The following HNRNPUL2 variants were observed in gnomAD, a reference collection of about 807,000 sequenced individuals.
The protein encoded by HNRNPUL2 is heterogeneous nuclear ribonucleoprotein U-like protein 2.
HNRNPUL2 carries 27 observed loss-of-function variants against 102.2 expected under a neutral mutation model. That is an observed-to-expected ratio of 0.26 (90% CI 0.19 to 0.36). The LOEUF (loss-of-function observed/expected upper bound fraction) is 0.36. Among genes scored for constraint, HNRNPUL2 ranks in the 10% least tolerant of loss-of-function variants. The pLI is 1.00. For missense variants in HNRNPUL2, 936 were observed against 981.1 expected, an observed-to-expected ratio of 0.95 and a Z score of 0.61; for synonymous variants, 458 against 387.2, an observed-to-expected ratio of 1.18 and a Z score of -2.15.
chr11:62,726,686 G>C lies in HNRNPUL2; in HGVS notation c.471C>G (p.Pro157=), dbSNP rs1487092733. 1 of 1,599,952 alleles carries C rather than the reference G, an allele frequency of 6.3e-7. No homozygotes were observed. The highest frequency in any genetic ancestry group is 1.3e-5 in the African/African-American group (1 of 74,858). Residue 157 remains proline, a synonymous_variant, in exon 1 of 14, where the codon CCC becomes CCG. Coordinates refer to ENST00000301785, the MANE Select transcript of HNRNPUL2 (RefSeq NM_001079559.3). The part of the protein sequence containing the change: ...QGLGKREEDE[P]EERSGDETPG... ...GCGTCTCGTCCCCGCTCCGCTCCTC[G>C]GGTTCGTCTTCCTCCCTCTTGCCGA... is the stretch of plus-strand genomic sequence containing the variant.
At chr11:62,719,885 A>G (rs950452633) in intron 10 of HNRNPUL2, 138 bp downstream of exon 10, 17 of 761,786 alleles carry the variant, frequency 2.2e-5, no homozygotes, top group East Asian at 2.6e-5. Context: ...ATGCAGCAAG[A>G]AGGACCTCAC....
chr11:62,722,339 A>T lies in HNRNPUL2; in HGVS notation c.1137T>A (p.Asn379Lys). 1 of 1,614,076 alleles carries T rather than the reference A, an allele frequency of 6.2e-7. No homozygotes were observed. Among genetic ancestry groups the T allele is most frequent in the Non-Finnish European group, 8.5e-7 (1 of 1,179,930 alleles). The change falls in exon 7 of 14, where the codon AAT (asparagine) becomes AAA (lysine). Residue 379 changes from asparagine (N) to lysine (K), a missense_variant. Transcript: ENST00000301785. ...TEEVELSFSKNGEDLGVAFWI... is the reference protein window; with the variant it reads ...TEEVELSFSKKGEDLGVAFWI... ...AGAATGCCACACCTAGGTCTTCTCC[A>T]TTCTTGGAGAAGGAAAGTTCTACTT... is the stretch of plus-strand genomic sequence containing the variant.
At chr11:62,717,211 T>C (rs1467796730) in intron 10 of HNRNPUL2, 22 bp from the exon 11 acceptor site, 2 of 1,597,568 alleles carry the variant, frequency 1.3e-6, no homozygotes, top group South Asian at 1.1e-5. Flanking sequence ...AGAGAGAAGC[T>C]TGTGGGCCTG....
Position 62,713,696 on chromosome 11 carries a change from G to A in HNRNPUL2, c.*1603C>T, listed in dbSNP as rs2083636303. 6.6e-6 allele frequency: 1 copy of A among 152,264 alleles called. No individual in the cohort carries two copies. The highest frequency in any genetic ancestry group is 1.5e-5 in the Non-Finnish European group (1 of 68,128). 9.4% of individuals were successfully genotyped at this position (152,264 alleles called of 1,614,324 possible). Reference sequence around the variant, plus strand: ...GGAGGAGGAGAGGAAGACCAAATCAGCCCACAATTTTAAACAGAGAACTGC... The same window carrying A: ...GGAGGAGGAGAGGAAGACCAAATCAACCCACAATTTTAAACAGAGAACTGC... On this transcript the variant is annotated 3_prime_UTR_variant, in exon 14 of 14. Transcript: ENST00000301785.
chr11:62,719,954 CTATTACTTACAAATTATGAAGTCTATGG>C, intron 10 of HNRNPUL2, 41 bp downstream of exon 10: 1 of 1,433,192 alleles, frequency 7.0e-7, no homozygotes, highest in Non-Finnish European at 9.7e-7. Context: ...AAATAAACCT[CTATTACTTACAAATTATGAAGTCTATGG>C]TATTCTGTTA....
intron 2 of HNRNPUL2, 48 bp from the exon 3 acceptor site, chr11:62,724,038 T>G: frequency 4.1e-6 from 6 of 1,446,062 alleles, no homozygotes; most frequent in Non-Finnish European, 5.8e-6. Flanking sequence ...AAAGCCCTCT[T>G]CTTTGAGGGG....
intron 11 of HNRNPUL2, 141 bp downstream of exon 11, chr11:62,716,848 G>A: frequency 1.4e-6 from 1 of 703,230 alleles, no homozygotes. Context: ...AAGAACACAG[G>A]AAGAAATAAG....
At position 62,715,209 on chromosome 11, in the gene HNRNPUL2, G is replaced by A; in HGVS notation, c.*90C>T. ...CCGGCAGCTCAGCCCCACCCCGACA[G>A]CCCCTGTTTTCCTTGGTTGTGTTTT... is the stretch of plus-strand genomic sequence containing the variant. On this transcript the variant is annotated 3_prime_UTR_variant, in exon 14 of 14. Transcript: ENST00000301785. 1.3e-5 allele frequency: 4 copies of A among 314,992 alleles called. No homozygotes were observed. The highest frequency in any genetic ancestry group is 1.5e-5 in the Non-Finnish European group (3 of 193,550). 19.5% of individuals were successfully genotyped at this position (314,992 alleles called of 1,614,324 possible). A position where few individuals can be genotyped will look rare whatever the true frequency, so the allele number is the denominator to read the frequency against.
chr11:62,717,379 T>G (rs1250195477), intron 10 of HNRNPUL2, among the ~76,000 whole-genome samples, 190 bp from the exon 11 acceptor site: 1 of 152,200 alleles, frequency 6.6e-6, no homozygotes, highest in Non-Finnish European at 1.5e-5. Context: ...TTTCCCTAAA[T>G]TGTAACAGAC....
In HNRNPUL2 at chr11:62,715,867, T is replaced by C. The variant is rs1448653788; in HGVS notation, c.2052A>G (p.Arg684=). The change falls in exon 12 of 14, where the codon AGA becomes AGG. Residue 684 remains arginine (R), a synonymous_variant. Coordinates refer to ENST00000301785, the MANE Select transcript of HNRNPUL2 (RefSeq NM_001079559.3). ...GQQYWGQPGN[R]GGYRNFYDRY... is the part of the protein sequence containing the mutation. ...GCAGAAGGAGAGCTGCACTCACCCCTCTGTTTCCAGGCTGCCCCCAGTACT... is the reference window on the plus strand; with the variant it reads ...GCAGAAGGAGAGCTGCACTCACCCCCCTGTTTCCAGGCTGCCCCCAGTACT... 6.2e-7 allele frequency: 1 copy of C among 1,613,702 alleles called. No individual in the cohort carries two copies. Among genetic ancestry groups the C allele is most frequent in the Non-Finnish European group, 8.5e-7 (1 of 1,179,820 alleles).
rs2083727031 is a variant in HNRNPUL2 at position 62,724,280 on chromosome 11, G to A, written c.674+11C>T. The A allele has an allele frequency of 3.1e-6, 5 of 1,614,066 alleles. No individual in the cohort carries two copies. The highest frequency in any genetic ancestry group is 4.2e-6 in the Non-Finnish European group (5 of 1,179,972). Reference sequence around the variant, plus strand: ...GACACTCCCTTCAACGAAAGGGACTGTTTCCCTCACCGGCTGTGGTAAGCC... The same window carrying A: ...GACACTCCCTTCAACGAAAGGGACTATTTCCCTCACCGGCTGTGGTAAGCC... On this transcript the variant is annotated intron_variant, in intron 2 of 13. Transcript: ENST00000301785.
rs1431452650 is a variant in HNRNPUL2 at position 62,726,849 on chromosome 11, A to C, written c.308T>G (p.Leu103Trp). The change falls in exon 1 of 14, where the codon TTG becomes TGG. Residue 103 changes from leucine (L) to tryptophan (W), a missense_variant. Leu to Trp is a moderately conservative substitution (Grantham distance 61). Transcript: ENST00000301785. ...CGGCGGCGGCTGCGCGGCCTGACCC[A>C]AGGCTTGAGCAGGGGGTGGCTCCTC... is the stretch of plus-strand genomic sequence containing the variant. Reference protein sequence around the residue: ...EDEEPPPAQALGQAAQPPPEP... With the variant: ...EDEEPPPAQAWGQAAQPPPEP... 4 of 1,587,642 alleles carry C rather than the reference A, an allele frequency of 2.5e-6. No homozygotes were observed. Among genetic ancestry groups the C allele is most frequent in the Non-Finnish European group, 3.4e-6 (4 of 1,174,618 alleles).
chr11:62,717,480 A>C (rs1847640273), intron 10 of HNRNPUL2, among the ~76,000 whole-genome samples: 1 of 152,246 alleles, frequency 6.6e-6, no homozygotes, highest in South Asian at 2.1e-4. Context: ...TCAGGACAGA[A>C]GCAGGTAACC....
chr11:62,715,354 G>C lies in HNRNPUL2; in HGVS notation c.2189C>G (p.Pro730Arg). ...CCTGTAGTATCGGTCTCTGTCCTGG[G>C]GGTGGTGGTAGTAGTAACTCTGCCA... ...RDWQSYYYHH[P>R]QDRDRYYRNY... Residue 730 changes from proline to arginine, a missense_variant, in exon 14 of 14, where the codon CCC becomes CGC. Pro to Arg is a moderately radical substitution (Grantham distance 103). Coordinates refer to ENST00000301785, the MANE Select transcript of HNRNPUL2 (RefSeq NM_001079559.3). 1 of 1,613,260 alleles carries C rather than the reference G, an allele frequency of 6.2e-7. No homozygotes were observed.
intron 10 of HNRNPUL2, among the ~76,000 whole-genome samples, chr11:62,718,466 C>T (rs539090349): frequency 4.6e-5 from 7 of 152,042 alleles, no homozygotes; most frequent in Non-Finnish European, 7.4e-5. Context: ...TTTGGGAGGC[C>T]GAGGCGGGCA....
chr11:62,716,126 G>A lies in HNRNPUL2; in HGVS notation c.1982-189C>T, dbSNP rs1288629012. Among the ~76,000 whole-genome samples, 4 of 152,272 alleles carry A rather than the reference G, an allele frequency of 2.6e-5. No homozygotes were observed. In the East Asian group the frequency reaches 7.7e-4, roughly 29 times the overall value. ...AAAAAGTCTGAGGGGGGAGGGCAGA[G>A]GAACAGAGACACAAGAAAACCAAGC... On this transcript the variant is annotated intron_variant, in intron 11 of 13. Coordinates refer to ENST00000301785, the MANE Select transcript of HNRNPUL2 (RefSeq NM_001079559.3).
chr11:62,721,240 C>T (rs912601440), intron 9 of HNRNPUL2, 55 bp downstream of exon 9: 166 of 1,488,218 alleles, frequency 1.1e-4, no homozygotes, highest in Non-Finnish European at 1.5e-4. Context: ...TTAATTCAGT[C>T]TCTCTTTATA....
chr11:62,720,851 G>C (rs1358299044), intron 9 of HNRNPUL2, among the ~76,000 whole-genome samples: 1 of 112,474 alleles, frequency 8.9e-6, no homozygotes. Context: ...GCGACAGAGC[G>C]AGACTCGGTC....
chr11:62,724,939 A>G (rs1016482041), intron 1 of HNRNPUL2, among the ~76,000 whole-genome samples: 2 of 152,208 alleles, frequency 1.3e-5, no homozygotes, highest in African/African-American at 4.8e-5. Context: ...TTCATGTGGC[A>G]AATGGACTCA....
Sources: allele counts gnomAD v4.1 joint callset (sites outside exome capture counted in the v4.1 genomes callset), GRCh38; gene constraint gnomAD v4.1.1; transcripts MANE v1.5; gene names NCBI Gene and HGNC (gene_info 2026-07-23, HGNC 2026-07-21).